Variants in THADA observed in about 807,000 individuals in gnomAD.
THADA encodes THADA armadillo repeat containing.
In THADA, 213 loss-of-function variants were observed where a neutral mutation model predicts 219.8. The ratio of observed to expected loss-of-function variants is 0.97; its 90% CI spans 0.87 to 1.09. The LOEUF (loss-of-function observed/expected upper bound fraction) is 1.09. Ranked by LOEUF, THADA falls within the 50% of genes least tolerant of loss-of-function variation. The pLI, the probability that THADA is intolerant of heterozygous loss-of-function variation, is 0.00. For synonymous variants in THADA, 1,018 were observed against 828.9 expected (o/e 1.23, Z -3.92); for missense variants, 2,956 against 2,311.3 (o/e 1.28, Z -5.72).
rs943767538 is a variant in THADA, at chr2:43,541,353, T to C, written c.3107-37A>G. The C allele has an allele frequency of 1.4e-5, 23 of 1,607,834 alleles. No homozygotes were observed. In the Middle Eastern group the frequency reaches 1.5e-3, roughly 104 times the overall value. ...AAAAACACAACGATTGCAACCTTGA[T>C]TACTCATATCCCAGGTTTCTAAAAA... is the stretch of plus-strand genomic sequence containing the variant. On this transcript the variant is annotated intron_variant, in intron 20 of 37. Transcript: ENST00000405975.
At chr2:43,396,569 G>A (rs1349286256) in intron 29 of THADA, among the ~76,000 whole-genome samples, 2 of 152,180 alleles carry the variant, frequency 1.3e-5, no homozygotes, top group Non-Finnish European at 1.5e-5. Context: ...GGGAGGCTGA[G>A]GTGGGCGGAT....
At position 43,232,714 on chromosome 2, in the gene THADA, T is replaced by A; in HGVS notation, c.5465A>T (p.Gln1822Leu). 1.2e-6 allele frequency: 2 copies of A among 1,613,702 alleles called. No individual in the cohort carries two copies. Among genetic ancestry groups the A allele is most frequent in the Non-Finnish European group, 8.5e-7 (1 of 1,179,694 alleles). ...ACTCCCCTGACACCCCGGGATCACC[T>A]GATGCATGCTCTCCACACAGGCCAC... ...DLVACVESMH[Q>L]VEEDYLFEKA... The change falls in exon 37 of 38, where the codon CAG becomes CTG. Residue 1822 changes from glutamine (Q) to leucine (L), a missense_variant and splice_region_variant. Physicochemically the swap from Gln to Leu is moderately radical, Grantham distance 113 (BLOSUM62 -2). Transcript: ENST00000405975.
intron 29 of THADA, among the ~76,000 whole-genome samples, chr2:43,387,180 G>C (rs1269130407): frequency 2.0e-5 from 3 of 152,156 alleles, no homozygotes; most frequent in Non-Finnish European, 4.4e-5. Context: ...AAGTAAAGAA[G>C]TGAGAAAATT....
At chr2:43,441,960 G>C (rs149831699) in intron 26 of THADA, among the ~76,000 whole-genome samples, 1 of 152,314 alleles carries the variant, frequency 6.6e-6, no homozygotes, top group East Asian at 1.9e-4. Context: ...AAGAGTAAAA[G>C]AGAGTCAGTG....
rs1478095865 is a variant in THADA at position 43,591,998 on chromosome 2, C to A, written c.125G>T (p.Cys42Phe). 125 of 1,563,056 alleles carry A rather than the reference C, an allele frequency of 8.0e-5. No individual in the cohort carries two copies. Among genetic ancestry groups the A allele is most frequent in the Non-Finnish European group, 1.1e-4 (122 of 1,152,442 alleles). Residue 42 changes from cysteine (C) to phenylalanine (F), a missense_variant, in exon 3 of 38, where the codon TGT (cysteine) becomes TTT (phenylalanine). Physicochemically the swap from Cys to Phe is radical, Grantham distance 205. Transcript: ENST00000405975. ...GKNLASLLLH[C>F]VQLTDGVSQI... ...TGACACTCCATCCGTGAGTTGCACACAATGTAACAGCAAAGAAGCTAGATT... is the reference window on the plus strand; with the variant it reads ...TGACACTCCATCCGTGAGTTGCACAAAATGTAACAGCAAAGAAGCTAGATT...
chr2:43,480,358 C>T (rs1428309446), intron 26 of THADA, among the ~76,000 whole-genome samples: 1 of 152,202 alleles, frequency 6.6e-6, no homozygotes, highest in Non-Finnish European at 1.5e-5. Flanking sequence ...GAGACTCCAG[C>T]ACCACAGATA....
intron 30 of THADA, among the ~76,000 whole-genome samples, chr2:43,329,368 ATCT>A (rs1397523691): frequency 1.3e-5 from 2 of 152,150 alleles, no homozygotes; most frequent in Admixed American, 1.3e-4. Context: ...GGTGGATGAA[ATCT>A]TCTGGATGCT....
intron 19 of THADA, among the ~76,000 whole-genome samples, chr2:43,551,025 C>T (rs1335380929): frequency 6.6e-6 from 1 of 152,138 alleles, no homozygotes; most frequent in South Asian, 2.1e-4. Flanking sequence ...GTCTTACTAT[C>T]GTGAACCATC....
intron 26 of THADA, among the ~76,000 whole-genome samples, chr2:43,484,114 T>C (rs1435277875): frequency 6.6e-6 from 1 of 151,998 alleles, no homozygotes; most frequent in Non-Finnish European, 1.5e-5. Context: ...ATTAAAAAGC[T>C]CTCTGGTATT....
chr2:43,593,755 T>C (rs1040044996), intron 1 of THADA, among the ~76,000 whole-genome samples: 5 of 148,542 alleles, frequency 3.4e-5, no homozygotes, highest in South Asian at 4.5e-4. Flanking sequence ...TGCCTCAGCC[T>C]CCCGAGTAGC....
rs142445439 is a variant in THADA at position 43,510,645 on chromosome 2, G to C, written c.3375-1865C>G. ...ATGATATAGATTACTGCCTTCTTTT[G>C]TTCCTTCTTCACTGTAAAAAAAAAA... On this transcript the variant is annotated intron_variant, in intron 22 of 37. Transcript: ENST00000405975. 4.9e-3 allele frequency among the ~76,000 whole-genome samples: 660 copies of C among 134,972 alleles called. 4 individuals carry two copies. Among genetic ancestry groups the C allele is most frequent in the African/African-American group, 0.018 (628 of 35,692 alleles). 88.5% of individuals were successfully genotyped at this position (134,972 alleles called of 152,430 possible).
chr2:43,419,608 T>C (rs1573554984), intron 28 of THADA, among the ~76,000 whole-genome samples: 1 of 152,190 alleles, frequency 6.6e-6, no homozygotes, highest in African/African-American at 2.4e-5. Context: ...AAAACACATT[T>C]TTGATCTAAA....
rs1558887658 is a variant in THADA, at chr2:43,514,638, T to A, written c.3375-5858A>T. On this transcript the variant is annotated intron_variant, in intron 22 of 37. Transcript: ENST00000405975. ...ATATATTTTATATATATGTATATTT[T>A]ATATATAATATATATATTGTATATA... 3.6e-3 allele frequency among the ~76,000 whole-genome samples: 300 copies of A among 83,006 alleles called. 51 individuals are homozygous for A. Among genetic ancestry groups the A allele is most frequent in the African/African-American group, 0.012 (210 of 16,852 alleles). The allele number at this position is 83,006 out of a possible 152,430, so 54.5% of individuals were successfully genotyped here. A position where few individuals can be genotyped will look rare whatever the true frequency, so the allele number is the denominator to read the frequency against.
rs72879294 is a variant in THADA, at chr2:43,410,948, G to T, written c.4059-12809C>A. ...TTATACATTCTGTCTTGCTTTCTTA[G>T]CCTCCAGCTCCATCTCCAAAACATC... On this transcript the variant is annotated intron_variant, in intron 28 of 37. Transcript: ENST00000405975. Among the ~76,000 whole-genome samples, 1,290 of 152,164 alleles carry T rather than the reference G, an allele frequency of 8.5e-3. 18 individuals are homozygous for T. Among genetic ancestry groups the T allele is most frequent in the African/African-American group, 0.03 (1,232 of 41,512 alleles).
chr2:43,278,788 C>A (rs977502348), intron 36 of THADA, among the ~76,000 whole-genome samples: 11 of 152,166 alleles, frequency 7.2e-5, no homozygotes, highest in Non-Finnish European at 1.0e-4. Flanking sequence ...CTGTGTCCTG[C>A]CTTGGCAAGC....
chr2:43,398,214 A>G (rs1337812087), intron 28 of THADA, 75 bp from the exon 29 acceptor site: 1 of 1,489,074 alleles, frequency 6.7e-7, no homozygotes, highest in Non-Finnish European at 9.2e-7. Context: ...CTTACATTCT[A>G]TCTAGCATGG....
At chr2:43,473,810 T>A (rs1382538904) in intron 26 of THADA, among the ~76,000 whole-genome samples, 1 of 152,130 alleles carries the variant, frequency 6.6e-6, no homozygotes, top group Non-Finnish European at 1.5e-5. Flanking sequence ...GGTTTCACCA[T>A]GTTGGCCAGG....
chr2:43,289,310 T>A (rs1674415215), intron 34 of THADA, among the ~76,000 whole-genome samples: 1 of 152,250 alleles, frequency 6.6e-6, no homozygotes, highest in African/African-American at 2.4e-5. Context: ...TTTACTTCTA[T>A]CAACTGAACC....
At chr2:43,297,528 G>C (rs1160911735) in intron 31 of THADA, among the ~76,000 whole-genome samples, 3 of 110,690 alleles carry the variant, frequency 2.7e-5, no homozygotes, top group African/African-American at 1.4e-4. Flanking sequence ...CCGGCCAGCC[G>C]TGCCGTCCGG....
Sources: gnomAD v4.1 joint callset for allele counts (sites outside exome capture counted in the v4.1 genomes callset) on GRCh38, gnomAD v4.1.1 for gene constraint, MANE v1.5 for transcripts, NCBI Gene and HGNC (gene_info 2026-07-23, HGNC 2026-07-21) for gene names.